NIPAL1: variants seen among roughly 807,000 people sequenced by gnomAD.
NIPAL1 encodes the protein magnesium transporter NIPA3.
In NIPAL1, 35 loss-of-function variants were observed where a neutral mutation model predicts 37.7. That is an observed-to-expected ratio of 0.93 (90% CI 0.71 to 1.23). NIPAL1 has a LOEUF of 1.23. NIPAL1 is among the 50% of genes most tolerant of loss of function. The pLI is 0.00. For missense variants in NIPAL1, 412 were observed against 473.9 expected, an observed-to-expected ratio of 0.87 and a Z score of 1.21; for synonymous variants, 162 against 183.0, an observed-to-expected ratio of 0.89 and a Z score of 0.93.
rs535750456 is a variant in NIPAL1, at chr4:48,017,347, C to T, written c.46+462C>T. The stretch of plus-strand genomic sequence containing the variant: ...CTGCGCTGCGCCCTGCGCTGGCTCC[C>T]GGGGATCGAGCACCGCGAGAGGTTG... On this transcript the variant is annotated intron_variant, in intron 1 of 5. Transcript: ENST00000295461. Among the ~76,000 whole-genome samples the T allele has an allele frequency of 9.2e-5, 14 of 152,228 alleles. 1 individual carries two copies. The highest frequency in any genetic ancestry group is 2.9e-4 in the African/African-American group (12 of 41,554).
chr4:48,038,487 A>C lies in NIPAL1; in HGVS notation c.*2315A>C, dbSNP rs1279697530. 1 of 152,132 alleles carries C rather than the reference A, an allele frequency of 6.6e-6. No individual in the cohort carries two copies. The highest frequency in any genetic ancestry group is 1.9e-4 in the East Asian group (1 of 5,192). The allele number at this position is 152,132 out of a possible 1,614,324, so 9.4% of individuals were successfully genotyped here. On this transcript the variant is annotated 3_prime_UTR_variant, in exon 6 of 6. Transcript: ENST00000295461. ...AAACTAGACCCCATGTCTCTAAAAA[A>C]TGTAAAAAACATCAAGAGGCTGAGT...
Position 48,027,492 on chromosome 4 carries a change from A to G in NIPAL1, c.313+2158A>G, listed in dbSNP as rs990072469. On this transcript the variant is annotated intron_variant, in intron 2 of 5. Transcript: ENST00000295461. This position sits in a 1 kb window ranked among gnomAD's most constrained non-coding sequence, Gnocchi z 4.1. The stretch of plus-strand genomic sequence containing the variant: ...AGTACCCAAAGATACCAACTAGACA[A>G]TAGTCAGGTCCAGGGTTGTAATATA... 1.3e-5 allele frequency among the ~76,000 whole-genome samples: 2 copies of G among 152,344 alleles called. No homozygotes were observed. The highest frequency in any genetic ancestry group is 1.3e-4 in the Admixed American group (2 of 15,304).
intron 1 of NIPAL1, among the ~76,000 whole-genome samples, chr4:48,023,257 T>C (rs915091142): frequency 6.6e-6 from 1 of 152,140 alleles, no homozygotes; most frequent in African/African-American, 2.4e-5. Context: ...ATTACAGAGA[T>C]AAATGAAATA....
chr4:48,017,027 C>A, intron 1 of NIPAL1, 142 bp downstream of exon 1: 1 of 709,688 alleles, frequency 1.4e-6, no homozygotes, highest in South Asian at 1.9e-5. Context: ...TTCATTCAGT[C>A]AGTCGGCCGT....
chr4:48,035,812 T>A lies in NIPAL1; in HGVS notation c.873T>A (p.Ile291=), dbSNP rs1715915533. The A allele has an allele frequency of 1.2e-6, 2 of 1,614,076 alleles. No individual in the cohort carries two copies. The highest frequency in any genetic ancestry group is 1.7e-6 in the Non-Finnish European group (2 of 1,180,024). Residue 291 remains isoleucine (I), a synonymous_variant, in exon 6 of 6, where the codon ATT becomes ATA. Coordinates refer to ENST00000295461, the MANE Select transcript of NIPAL1 (RefSeq NM_207330.3). ...AVLVLSVTTQ[I]NYLNKALDTF... ...TTGTGCTTTCAGTAACTACACAGAT[T>A]AACTATCTCAACAAGGCACTGGACA... is the stretch of plus-strand genomic sequence containing the variant.
chr4:48,022,154 A>C, intron 1 of NIPAL1, among the ~76,000 whole-genome samples: 1 of 152,092 alleles, frequency 6.6e-6, no homozygotes, highest in East Asian at 1.9e-4. Flanking sequence ...TTGTGACTTG[A>C]GATGTCTTTG....
chr4:48,033,384 A>G (rs1047375330), intron 4 of NIPAL1, among the ~76,000 whole-genome samples: 4 of 152,228 alleles, frequency 2.6e-5, no homozygotes, highest in Non-Finnish European at 4.4e-5. Flanking sequence ...AGACTGTCAC[A>G]TTATTATTTT....
chr4:48,024,803 G>A (rs1024421396), intron 1 of NIPAL1, among the ~76,000 whole-genome samples: 7 of 147,658 alleles, frequency 4.7e-5, no homozygotes, highest in South Asian at 2.1e-4. Context: ...TTCCCAGATC[G>A]AATTTATAGG....
At chr4:48,021,222 A>C (rs1317015758) in intron 1 of NIPAL1, among the ~76,000 whole-genome samples, 1 of 152,230 alleles carries the variant, frequency 6.6e-6, no homozygotes, top group Non-Finnish European at 1.5e-5. Flanking sequence ...GAACTGGTCC[A>C]TCAGCAACAT....
At chr4:48,021,224 C>T (rs1715560624) in intron 1 of NIPAL1, among the ~76,000 whole-genome samples, 1 of 152,146 alleles carries the variant, frequency 6.6e-6, no homozygotes. Flanking sequence ...ACTGGTCCAT[C>T]AGCAACATTT....
At chr4:48,025,452 C>T (rs1426056106) in intron 2 of NIPAL1, 118 bp downstream of exon 2, 5 of 1,000,418 alleles carry the variant, frequency 5.0e-6, no homozygotes, top group Non-Finnish European at 5.8e-6. Context: ...GATTTTTTTT[C>T]CATATGGATG....
chr4:48,035,420 A>G, intron 5 of NIPAL1, 142 bp from the exon 6 acceptor site: 4 of 749,500 alleles, frequency 5.3e-6, no homozygotes, highest in Non-Finnish European at 8.9e-6. Context: ...ATTGAGAACT[A>G]TGCAATAGAA....
chr4:48,017,235 C>T (rs1014923187), intron 1 of NIPAL1, among the ~76,000 whole-genome samples: 5 of 152,194 alleles, frequency 3.3e-5, no homozygotes, highest in African/African-American at 1.2e-4. Context: ...AAGGACGTTT[C>T]CTCTGACTCA....
chr4:48,019,549 A>G (rs1715524939), intron 1 of NIPAL1, among the ~76,000 whole-genome samples: 1 of 152,224 alleles, frequency 6.6e-6, no homozygotes, highest in African/African-American at 2.4e-5. Flanking sequence ...AGAAGAAGCT[A>G]GCTATGCCAG....
At chr4:48,021,889 GTATA>G (rs10554799) in intron 1 of NIPAL1, among the ~76,000 whole-genome samples, 4 of 149,436 alleles carry the variant, frequency 2.7e-5, no homozygotes, top group Admixed American at 6.7e-5. Context: ...ACATTGGTGT[GTATA>G]TATATATATA....
chr4:48,037,314 A>G lies in NIPAL1; in HGVS notation c.*1142A>G, dbSNP rs933386978. ...TTAACTCAGGTCTGGAAGACATAGG[A>G]CAAAATGGAGTTTCTGAAGAAGTCC... On this transcript the variant is annotated 3_prime_UTR_variant, in exon 6 of 6. Coordinates refer to ENST00000295461, the MANE Select transcript of NIPAL1 (RefSeq NM_207330.3). 2.4e-6 allele frequency: 1 copy of G among 412,884 alleles called. No homozygotes were observed. Among genetic ancestry groups the G allele is most frequent in the African/African-American group, 2.1e-5 (1 of 48,184 alleles). 25.6% of individuals were successfully genotyped at this position (412,884 alleles called of 1,614,324 possible). A position where few individuals can be genotyped will look rare whatever the true frequency, so the allele number is the denominator to read the frequency against.
At chr4:48,032,544 A>G (rs1362024747) in intron 3 of NIPAL1, among the ~76,000 whole-genome samples, 1 of 152,186 alleles carries the variant, frequency 6.6e-6, no homozygotes, top group African/African-American at 2.4e-5. Flanking sequence ...ATTTCTGGCT[A>G]TTCCCTACCT....
At chr4:48,017,260 G>C (rs961460075) in intron 1 of NIPAL1, among the ~76,000 whole-genome samples, 2 of 152,208 alleles carry the variant, frequency 1.3e-5, no homozygotes, top group Admixed American at 6.5e-5. Flanking sequence ...CCCTTCCAGA[G>C]TCTGCGGCCG....
intron 1 of NIPAL1, among the ~76,000 whole-genome samples, chr4:48,024,659 T>C (rs1389752776): frequency 2.0e-5 from 3 of 152,174 alleles, no homozygotes; most frequent in Admixed American, 6.5e-5. Context: ...AAGCCCTGCT[T>C]TCCAGTAGCC....
Sources: gnomAD v4.1 joint callset for allele counts (sites outside exome capture counted in the v4.1 genomes callset) on GRCh38, gnomAD v4.1.1 for gene constraint, Gnocchi (gnomAD v3.1) non-coding constraint, MANE v1.5 for transcripts, NCBI Gene and HGNC (gene_info 2026-07-23, HGNC 2026-07-21) for gene names.